FAM53B: variants seen among roughly 807,000 people sequenced by gnomAD.
The protein encoded by FAM53B is protein FAM53B.
Under a neutral mutation model 32.7 loss-of-function variants are expected in FAM53B, and 12 were observed. The observed-to-expected ratio is 0.37, with a 90% CI of 0.24 to 0.59. The LOEUF (loss-of-function observed/expected upper bound fraction) is 0.59. FAM53B is among the 20% of genes least tolerant of loss of function. FAM53B has a pLI of 0.72. For missense variants in FAM53B, 477 were observed against 577.7 expected (o/e 0.83, Z 1.79); for synonymous variants, 234 against 228.7 (o/e 1.02, Z -0.21).
At chr10:124,690,598 C>G (rs1431379037) in intron 3 of FAM53B, among the ~76,000 whole-genome samples, 7 of 152,222 alleles carry the variant, frequency 4.6e-5, no homozygotes, top group Non-Finnish European at 8.8e-5. Context: ...TCACTGGCAA[C>G]AGTTACCATG....
intron 4 of FAM53B, chr10:124,667,104 G>T: frequency 9.5e-6 from 4 of 420,588 alleles, no homozygotes; most frequent in East Asian, 4.9e-5. Flanking sequence ...ACTGAATGAT[G>T]GAGCAGTGGC....
chr10:124,648,012 G>A (rs1949530276), intron 4 of FAM53B, among the ~76,000 whole-genome samples: 1 of 152,198 alleles, frequency 6.6e-6, no homozygotes, highest in Admixed American at 6.5e-5. Flanking sequence ...GAAATGCACT[G>A]GGGACGCCAT....
At chr10:124,686,163 C>T (rs2134071564) in intron 3 of FAM53B, among the ~76,000 whole-genome samples, 1 of 152,314 alleles carries the variant, frequency 6.6e-6, no homozygotes, top group Non-Finnish European at 1.5e-5. Context: ...ACCAGCGATT[C>T]TTTATAAAAC....
chr10:124,729,963 G>C (rs991408273), intron 1 of FAM53B, among the ~76,000 whole-genome samples: 1 of 152,162 alleles, frequency 6.6e-6, no homozygotes, highest in Non-Finnish European at 1.5e-5. Flanking sequence ...CAAGACAAGA[G>C]CTACAGTTCA....
intron 2 of FAM53B, among the ~76,000 whole-genome samples, chr10:124,701,910 G>T (rs1372142246): frequency 1.3e-5 from 2 of 152,174 alleles, no homozygotes; most frequent in African/African-American, 2.4e-5. Context: ...CCAGCATTTA[G>T]TTTTTTAAAA....
chr10:124,674,350 G>A (rs371445339), intron 4 of FAM53B, among the ~76,000 whole-genome samples: 2 of 152,208 alleles, frequency 1.3e-5, no homozygotes, highest in Non-Finnish European at 2.9e-5. Context: ...TACTGAGCAC[G>A]TGTCCTGGGC....
intron 1 of FAM53B, among the ~76,000 whole-genome samples, chr10:124,710,467 C>G (rs60456932): frequency 1.3e-5 from 2 of 152,248 alleles, no homozygotes; most frequent in East Asian, 3.8e-4. Flanking sequence ...CCTGGGATTC[C>G]TATGACCCGT....
chr10:124,731,828 G>A (rs1950145446), intron 1 of FAM53B, among the ~76,000 whole-genome samples: 1 of 152,136 alleles, frequency 6.6e-6, no homozygotes. Context: ...CCTTGGAGAC[G>A]GGGACCAGAG....
chr10:124,642,408 T>C (rs1949482543), intron 4 of FAM53B, among the ~76,000 whole-genome samples: 1 of 152,166 alleles, frequency 6.6e-6, no homozygotes, highest in Non-Finnish European at 1.5e-5. Context: ...GGTGGGGCAG[T>C]GAAGGCAGTG....
chr10:124,658,619 C>T (rs1358913904), intron 4 of FAM53B, among the ~76,000 whole-genome samples: 1 of 152,206 alleles, frequency 6.6e-6, no homozygotes, highest in Non-Finnish European at 1.5e-5. Context: ...AGCAAACTAC[C>T]GTGGGAGAGA....
In FAM53B at chr10:124,702,485, C is replaced by G. The variant is rs182475324; in HGVS notation, c.78+4151G>C. On this transcript the variant is annotated intron_variant, in intron 2 of 4. Transcript: ENST00000337318. ...TCAGTATTTCTTCAGTTATTTACAT[C>G]GTGTGTCTCTCCCCAAGGCCTGGAG... 6.8e-4 allele frequency among the ~76,000 whole-genome samples: 103 copies of G among 152,316 alleles called. 1 individual carries two copies. Among genetic ancestry groups the G allele is most frequent in the Non-Finnish European group, 5.9e-5 (4 of 68,034 alleles).
At chr10:124,697,142 T>C (rs1429809222) in intron 2 of FAM53B, among the ~76,000 whole-genome samples, 1 of 152,072 alleles carries the variant, frequency 6.6e-6, no homozygotes, top group Non-Finnish European at 1.5e-5. Context: ...CTGCCTCAAG[T>C]GCTCCAAGGC....
At chr10:124,695,319 C>T (rs748796796) in intron 3 of FAM53B, among the ~76,000 whole-genome samples, 1 of 152,138 alleles carries the variant, frequency 6.6e-6, no homozygotes, top group Non-Finnish European at 1.5e-5. Context: ...TCAAACAATG[C>T]CCAATCATCT....
chr10:124,623,823 C>T (rs1564859699), intron 4 of FAM53B: 1 of 531,494 alleles, frequency 1.9e-6, no homozygotes, highest in Non-Finnish European at 3.3e-6. Flanking sequence ...CGCGCAATTC[C>T]ACTATTCACC....
chr10:124,681,829 G>A lies in FAM53B; in HGVS notation c.684C>T (p.Ser228=), dbSNP rs1178918693. Residue 228 remains serine, a synonymous_variant, in exon 4 of 5, where the codon TCC becomes TCT. Transcript: ENST00000337318. The part of the protein sequence containing the change: ...VGGGRLDLQR[S]LSCSHEQFSF... Reference sequence around the variant, plus strand: ...AAAACTGCTCATGTGAGCAAGAGAGGGACCGCTGCAGGTCCAGCCGGCCTC... The same window carrying A: ...AAAACTGCTCATGTGAGCAAGAGAGAGACCGCTGCAGGTCCAGCCGGCCTC... 6.2e-7 allele frequency: 1 copy of A among 1,611,770 alleles called. No homozygotes were observed. Among genetic ancestry groups the A allele is most frequent in the Non-Finnish European group, 8.5e-7 (1 of 1,178,894 alleles).
In FAM53B at chr10:124,622,056, G is replaced by A. The variant is rs1167402144; in HGVS notation, c.*1186C>T. On this transcript the variant is annotated 3_prime_UTR_variant, in exon 5 of 5. Coordinates refer to ENST00000337318, the MANE Select transcript of FAM53B (RefSeq NM_014661.4). ...CAGGGTGAGGAGCCAGGGTGGGGTA[G>A]GGGCAGGGAGCATGAATCCAGCTTT... 2 of 152,360 alleles carry A rather than the reference G, an allele frequency of 1.3e-5. No homozygotes were observed. Among genetic ancestry groups the A allele is most frequent in the African/African-American group, 4.8e-5 (2 of 41,448 alleles). The allele number at this position is 152,360 out of a possible 1,614,324, so 9.4% of individuals were successfully genotyped here. A position where few individuals can be genotyped will look rare whatever the true frequency, so the allele number is the denominator to read the frequency against.
rs577730074 is a variant in FAM53B, at chr10:124,667,185, T to C, written c.906+14422A>G. ...CTGAAACCAGTAAGAAAAAAGAACA[T>C]AAAATAGTGCATTCATGATTTACTT... On this transcript the variant is annotated intron_variant, in intron 4 of 4. Coordinates refer to ENST00000337318, the MANE Select transcript of FAM53B (RefSeq NM_014661.4). The C allele has an allele frequency of 1.2e-4, 68 of 556,154 alleles. No homozygotes were observed. The East Asian group carries it at 2.1e-3, about 17-fold the overall frequency. 34.5% of individuals were successfully genotyped at this position (556,154 alleles called of 1,614,324 possible).
At position 124,676,617 on chromosome 10, in the gene FAM53B, CT is replaced by C. The variant is rs201490320; in HGVS notation, c.906+4989del. On this transcript the variant is annotated intron_variant, in intron 4 of 4. Coordinates refer to ENST00000337318, the MANE Select transcript of FAM53B (RefSeq NM_014661.4). ...ACAAAAGATGGAAAGTGGAAGCTGG[CT>C]GGGGGGGCTTCACCTGGGGAGGACC... Among the ~76,000 whole-genome samples, 34 of 17,172 alleles carry C rather than the reference CT, an allele frequency of 2.0e-3. No individual in the cohort carries two copies. In the Non-Finnish European group the frequency reaches 0.064, roughly 32 times the overall value. 11.3% of individuals were successfully genotyped at this position (17,172 alleles called of 152,430 possible). A position where few individuals can be genotyped will look rare whatever the true frequency, so the allele number is the denominator to read the frequency against.
intron 3 of FAM53B, among the ~76,000 whole-genome samples, chr10:124,695,349 G>A (rs1949862093): frequency 6.6e-6 from 1 of 152,096 alleles, no homozygotes; most frequent in Non-Finnish European, 1.5e-5. Flanking sequence ...AGTAATCAAT[G>A]GTCATCTTTT....
Sources: gnomAD v4.1 joint callset for allele counts (sites outside exome capture counted in the v4.1 genomes callset) on GRCh38, gnomAD v4.1.1 for gene constraint, MANE v1.5 for transcripts, NCBI Gene and HGNC (gene_info 2026-07-23, HGNC 2026-07-21) for gene names.